The following ANAPC10 variants were observed in gnomAD, a reference collection of about 807,000 sequenced individuals.
The protein encoded by ANAPC10 is anaphase promoting complex subunit 10.
Under a neutral mutation model 22.0 loss-of-function variants are expected in ANAPC10, and 12 were observed. That is an observed-to-expected ratio of 0.55 (90% CI 0.35 to 0.88). ANAPC10 has a LOEUF of 0.88. ANAPC10 is among the 40% of genes least tolerant of loss of function. ANAPC10 has a pLI of 0.01. For missense variants in ANAPC10, 188 were observed against 220.9 expected (o/e 0.85, Z 0.94); for synonymous variants, 65 against 69.5 (o/e 0.94, Z 0.32).
At chr4:145,000,961 G>A (rs112050875) in intron 4 of ANAPC10, among the ~76,000 whole-genome samples, 61 of 151,986 alleles carry the variant, frequency 4.0e-4, no homozygotes, top group African/African-American at 1.1e-3. Context: ...ACCAAACACC[G>A]CATGTTCTCA....
intron 4 of ANAPC10, among the ~76,000 whole-genome samples, chr4:145,005,953 G>A (rs1316098668): frequency 1.3e-5 from 2 of 152,114 alleles, no homozygotes; most frequent in African/African-American, 4.8e-5. Flanking sequence ...GGAGAGTTCT[G>A]TAGATATCTA....
intron 3 of ANAPC10, among the ~76,000 whole-genome samples, chr4:145,080,184 G>A (rs1745794773): frequency 6.7e-6 from 1 of 149,572 alleles, no homozygotes. Context: ...CAATAGACAT[G>A]GGTGCCTACT....
intron 1 of ANAPC10, chr4:145,097,584 G>A: frequency 1.3e-5 from 17 of 1,266,928 alleles, no homozygotes; most frequent in South Asian, 2.5e-5. Context: ...CAGACACAAC[G>A]GACTGTAAAC....
intron 3 of ANAPC10, among the ~76,000 whole-genome samples, chr4:145,071,546 A>G (rs1196672315): frequency 1.3e-5 from 2 of 152,186 alleles, no homozygotes; most frequent in African/African-American, 4.8e-5. Flanking sequence ...ATTATTCACC[A>G]TCTCAACAGA....
chr4:145,067,167 A>T (rs1424779153), intron 3 of ANAPC10, among the ~76,000 whole-genome samples: 1 of 152,234 alleles, frequency 6.6e-6, no homozygotes, highest in African/African-American at 2.4e-5. Context: ...GATGAATTTT[A>T]AAAATAATAT....
intron 4 of ANAPC10, chr4:145,035,487 G>A (rs945147781): frequency 6.6e-6 from 1 of 152,184 alleles, no homozygotes; most frequent in African/African-American, 2.4e-5. Context: ...CATTGTCATG[G>A]GGCAGGAGCC....
At position 145,079,226 on chromosome 4, in the gene ANAPC10, G is replaced by A. The variant is rs145619414; in HGVS notation, c.206+2434C>T. ...TAAAAAATGGGCAAAGGACATGAAC[G>A]GACATTCCTCAAAAGTAGACATACA... On this transcript the variant is annotated intron_variant, in intron 3 of 4. Coordinates refer to ENST00000507656, the MANE Select transcript of ANAPC10 (RefSeq NM_001256706.2). 4.5e-3 allele frequency among the ~76,000 whole-genome samples: 684 copies of A among 152,130 alleles called. 3 individuals are homozygous for A. Among genetic ancestry groups the A allele is most frequent in the African/African-American group, 0.015 (623 of 41,512 alleles).
In ANAPC10 at chr4:145,002,561, T is replaced by C. The variant is rs35843293; in HGVS notation, c.328-6958A>G. Among the ~76,000 whole-genome samples, 665 of 152,216 alleles carry C rather than the reference T, an allele frequency of 4.4e-3. 3 individuals carry two copies. The highest frequency in any genetic ancestry group is 0.015 in the African/African-American group (611 of 41,554). ...ACTAGTCTTAAAGTAACTTATTTTT[T>C]AAAAAAGACGCATAACAAAAGAACA... On this transcript the variant is annotated intron_variant, in intron 4 of 4. Transcript: ENST00000507656.
intron 4 of ANAPC10, among the ~76,000 whole-genome samples, chr4:145,026,955 G>GTATATA (rs1560840398): frequency 5.9e-5 from 1 of 17,052 alleles, no homozygotes; most frequent in African/African-American, 2.3e-4. Context: ...ATGTGTGTGT[G>GTATATA]TGTATATATA....
intron 4 of ANAPC10, among the ~76,000 whole-genome samples, chr4:145,009,877 G>A (rs981483027): frequency 2.0e-4 from 30 of 152,136 alleles, no homozygotes; most frequent in African/African-American, 7.2e-4. Flanking sequence ...CCATCAGAGT[G>A]AAAAGGCAAC....
chr4:145,098,360 T>C (rs1249734148), upstream of ANAPC10: 1 of 152,458 alleles, frequency 6.6e-6, no homozygotes, highest in Non-Finnish European at 1.5e-5. Flanking sequence ...GGCTGAAAAG[T>C]GAAGGCAAGA....
intron 4 of ANAPC10, among the ~76,000 whole-genome samples, chr4:144,997,631 A>G (rs1578848479): frequency 1.3e-5 from 2 of 152,236 alleles, no homozygotes; most frequent in East Asian, 3.8e-4. Context: ...AAAACAGGCC[A>G]AATTGTAAAG....
chr4:145,000,069 C>T (rs1202218244), intron 4 of ANAPC10, among the ~76,000 whole-genome samples: 3 of 152,150 alleles, frequency 2.0e-5, no homozygotes, highest in Admixed American at 6.5e-5. Flanking sequence ...GGATTAAAGA[C>T]TTAAATGTTA....
chr4:145,040,573 A>T (rs1459253178), intron 4 of ANAPC10, among the ~76,000 whole-genome samples: 1 of 152,226 alleles, frequency 6.6e-6, no homozygotes, highest in African/African-American at 2.4e-5. Context: ...TCATCCCAAC[A>T]TCATATCTCC....
chr4:145,021,342 A>G (rs1202188034), intron 4 of ANAPC10, among the ~76,000 whole-genome samples: 1 of 152,178 alleles, frequency 6.6e-6, no homozygotes, highest in Admixed American at 6.6e-5. Flanking sequence ...AGGACAATGT[A>G]ATAGAGTAGA....
At chr4:145,054,670 G>T (rs1004906997) in intron 4 of ANAPC10, among the ~76,000 whole-genome samples, 5 of 149,366 alleles carry the variant, frequency 3.3e-5, no homozygotes, top group Admixed American at 2.7e-4. Flanking sequence ...TGCAGCGCAT[G>T]TGTGTGTGTG....
chr4:145,062,886 C>T (rs1237203580), intron 4 of ANAPC10, among the ~76,000 whole-genome samples: 1 of 152,058 alleles, frequency 6.6e-6, no homozygotes. Context: ...AACTGGAGAA[C>T]ACTATTGTTA....
chr4:145,040,893 A>C (rs1739408118), intron 4 of ANAPC10, among the ~76,000 whole-genome samples: 1 of 152,234 alleles, frequency 6.6e-6, no homozygotes, highest in Non-Finnish European at 1.5e-5. Flanking sequence ...AACTGGGTGA[A>C]AGTCTCATAA....
intron 4 of ANAPC10, among the ~76,000 whole-genome samples, chr4:145,063,098 C>T (rs566607110): frequency 2.0e-4 from 30 of 152,112 alleles, no homozygotes; most frequent in South Asian, 4.1e-4. Context: ...CAGTATATAA[C>T]AGTGACTACA....
Sources: allele counts gnomAD v4.1 joint callset (sites outside exome capture counted in the v4.1 genomes callset), GRCh38; gene constraint gnomAD v4.1.1; transcripts MANE v1.5; gene names NCBI Gene and HGNC (gene_info 2026-07-23, HGNC 2026-07-21).